The following IQUB variants were observed in gnomAD, a reference collection of about 807,000 sequenced individuals.
IQUB encodes IQ motif and ubiquitin domain containing.
IQUB carries 86 observed loss-of-function variants against 86.4 expected under a neutral mutation model. The observed-to-expected ratio is 1.00, with a 90% CI of 0.84 to 1.19. The LOEUF is 1.19. IQUB is among the 50% of genes most tolerant of loss of function. The pLI is 0.00. For synonymous variants in IQUB, 289 were observed against 304.5 expected (o/e 0.95, Z 0.53); for missense variants, 946 against 916.9 (o/e 1.03, Z -0.41).
At chr7:123,463,148 A>ATACTT in intron 10 of IQUB, among the ~76,000 whole-genome samples, 1 of 151,916 alleles carries the variant, frequency 6.6e-6, no homozygotes, top group East Asian at 1.9e-4. Flanking sequence ...CAAACTTTAA[A>ATACTT]TACTTTATCT....
At position 123,503,262 on chromosome 7, in the gene IQUB, C is replaced by G. The variant is rs1223613369; in HGVS notation, c.634G>C (p.Val212Leu). The change falls in exon 4 of 13, where the codon GTC (valine) becomes CTC (leucine). Residue 212 changes from valine (V) to leucine (L), a missense_variant. Val to Leu is a conservative substitution (Grantham distance 32). Transcript: ENST00000324698. Reference protein sequence around the residue: ...IFSTNPDLYPVRRIDGLTDVS... With the variant: ...IFSTNPDLYPLRRIDGLTDVS... ...TCAGTTAATCCATCTATTCTTCTGA[C>G]TGGATACAGATCTGGATTTGTAGAA... 1 of 1,610,910 alleles carries G rather than the reference C, an allele frequency of 6.2e-7. No individual in the cohort carries two copies. The highest frequency in any genetic ancestry group is 1.1e-5 in the South Asian group (1 of 90,884).
intron 3 of IQUB, among the ~76,000 whole-genome samples, chr7:123,509,118 T>G (rs1796310530): frequency 6.6e-6 from 1 of 152,210 alleles, no homozygotes; most frequent in Non-Finnish European, 1.5e-5. Context: ...AAACTTTTTG[T>G]GGCATCATTA....
chr7:123,461,564 A>AAAG lies in IQUB; in HGVS notation c.1797_1799dup (p.Phe600dup). ...GCAAATAAAGCTGGCAACTGTGGCA[A>AAAG]AAGTAAATCTTCTTATAAAATTTCA... On this transcript the variant is annotated inframe_insertion, in exon 11 of 13. Coordinates refer to ENST00000324698, the MANE Select transcript of IQUB (RefSeq NM_178827.5). The AAAG allele has an allele frequency of 6.2e-7, 1 of 1,611,528 alleles. No individual in the cohort carries two copies. The highest frequency in any genetic ancestry group is 8.5e-7 in the Non-Finnish European group (1 of 1,178,484).
intron 7 of IQUB, among the ~76,000 whole-genome samples, chr7:123,486,509 C>T (rs1185508337): frequency 6.6e-6 from 1 of 152,114 alleles, no homozygotes; most frequent in Admixed American, 6.5e-5. Flanking sequence ...CTTAGCCTTG[C>T]TACCAAGTAG....
At chr7:123,504,469 G>A (rs538298142) in intron 3 of IQUB, among the ~76,000 whole-genome samples, 7 of 152,150 alleles carry the variant, frequency 4.6e-5, no homozygotes, top group South Asian at 2.1e-4. Context: ...AATAAAAGAC[G>A]TTTAACTGGC....
intron 11 of IQUB, among the ~76,000 whole-genome samples, chr7:123,459,441 G>A (rs1253828932): frequency 6.6e-6 from 1 of 151,898 alleles, no homozygotes; most frequent in Non-Finnish European, 1.5e-5. Flanking sequence ...GGCCTGAATA[G>A]AACAAAAAGT....
intron 1 of IQUB, among the ~76,000 whole-genome samples, chr7:123,523,965 T>G (rs925298053): frequency 6.6e-6 from 1 of 152,088 alleles, no homozygotes; most frequent in Non-Finnish European, 1.5e-5. Flanking sequence ...TAGGGAATCC[T>G]TTCCCCATTG....
At chr7:123,462,615 G>A in intron 10 of IQUB, 2 of 243,060 alleles carry the variant, frequency 8.2e-6, no homozygotes, top group South Asian at 9.2e-5. Context: ...GAGTGATCTA[G>A]GTGTATGATC....
At chr7:123,526,703 A>C (rs980625471) in intron 1 of IQUB, among the ~76,000 whole-genome samples, 5 of 150,692 alleles carry the variant, frequency 3.3e-5, no homozygotes, top group African/African-American at 9.8e-5. Context: ...TTTACATTTA[A>C]AGTTAATATT....
At chr7:123,465,060 T>A (rs1376169572) in intron 9 of IQUB, 51 bp from the exon 10 acceptor site, 1 of 1,243,200 alleles carries the variant, frequency 8.0e-7, no homozygotes, top group East Asian at 2.4e-5. Flanking sequence ...ATCACTAAGT[T>A]CACTTTCAAA....
chr7:123,528,087 G>A (rs377520026), intron 1 of IQUB, among the ~76,000 whole-genome samples: 5 of 152,282 alleles, frequency 3.3e-5, no homozygotes, highest in African/African-American at 9.6e-5. Flanking sequence ...TCCAGGTGCC[G>A]TCTGTCACCA....
Position 123,510,049 on chromosome 7 carries a change from A to T in IQUB, c.398-14T>A. On this transcript the variant is annotated splice_polypyrimidine_tract_variant and intron_variant, in intron 2 of 12. Transcript: ENST00000324698. Reference sequence around the variant, plus strand: ...GTACAACTTTTACTGTAAATTAAATAGAAAAGAAAGAATTATAGTCAAATA... The same window carrying T: ...GTACAACTTTTACTGTAAATTAAATTGAAAAGAAAGAATTATAGTCAAATA... 1 of 1,499,418 alleles carries T rather than the reference A, an allele frequency of 6.7e-7. No homozygotes were observed. Among genetic ancestry groups the T allele is most frequent in the Non-Finnish European group, 9.1e-7 (1 of 1,095,462 alleles). 92.9% of individuals were successfully genotyped at this position (1,499,418 alleles called of 1,614,324 possible).
At chr7:123,517,301 G>A (rs1002291771) in intron 1 of IQUB, among the ~76,000 whole-genome samples, 11 of 151,748 alleles carry the variant, frequency 7.2e-5, no homozygotes, top group African/African-American at 2.4e-4. Flanking sequence ...TGAGGCCGAG[G>A]CGGGTGGATC....
At chr7:123,490,686 C>G (rs532616913) in intron 7 of IQUB, among the ~76,000 whole-genome samples, 1 of 152,096 alleles carries the variant, frequency 6.6e-6, no homozygotes, top group Non-Finnish European at 1.5e-5. Flanking sequence ...TCAAATTGGC[C>G]GGGTGCATTG....
At chr7:123,526,139 G>C (rs1315546489) in intron 1 of IQUB, among the ~76,000 whole-genome samples, 2 of 143,294 alleles carry the variant, frequency 1.4e-5, no homozygotes, top group African/African-American at 5.0e-5. Context: ...GTCAATTTTG[G>C]AATAGGTGTG....
chr7:123,503,119 G>A lies in IQUB; in HGVS notation c.695-3C>T, dbSNP rs764562037. 1.2e-6 allele frequency: 2 copies of A among 1,611,316 alleles called. No individual in the cohort carries two copies. Among genetic ancestry groups the A allele is most frequent in the East Asian group, 2.2e-5 (1 of 44,788 alleles). ...TACCTGCTGGTATTGATCAAGTCCT[G>A]AGAGATAACACCAAGATTCAATGAA... is the stretch of plus-strand genomic sequence containing the variant. On this transcript the variant is annotated splice_region_variant and splice_polypyrimidine_tract_variant and intron_variant, in intron 4 of 12. Coordinates refer to ENST00000324698, the MANE Select transcript of IQUB (RefSeq NM_178827.5).
At chr7:123,510,224 C>A (rs558565279) in intron 2 of IQUB, among the ~76,000 whole-genome samples, 189 bp from the exon 3 acceptor site, 173 of 152,140 alleles carry the variant, frequency 1.1e-3, no homozygotes, top group Non-Finnish European at 1.3e-3. Context: ...GGAGAAGTAG[C>A]CAATATTTAG....
At chr7:123,495,436 A>C in intron 7 of IQUB, among the ~76,000 whole-genome samples, 1 of 152,120 alleles carries the variant, frequency 6.6e-6, no homozygotes, top group East Asian at 1.9e-4. Flanking sequence ...ATTAGAAAGG[A>C]AACTGCAACT....
chr7:123,503,016 ATACTC>A lies in IQUB; in HGVS notation c.790_794del (p.Glu264SerfsTer10). Reference sequence around the variant, plus strand: ...GTACAGTTTGTGTTCCAGCATTGTGATACTCTACTCCTGTTACTTTATGTCTGAAT... The same window carrying A: ...GTACAGTTTGTGTTCCAGCATTGTGATACTCCTGTTACTTTATGTCTGAAT... On this transcript the variant is annotated frameshift_variant, in exon 5 of 13. Transcript: ENST00000324698. LOFTEE classifies it high-confidence loss of function. 6.2e-7 allele frequency: 1 copy of A among 1,613,152 alleles called. No homozygotes were observed. The highest frequency in any genetic ancestry group is 8.5e-7 in the Non-Finnish European group (1 of 1,179,436).
Sources: gnomAD v4.1 joint callset for allele counts (sites outside exome capture counted in the v4.1 genomes callset) on GRCh38, gnomAD v4.1.1 for gene constraint, MANE v1.5 for transcripts, NCBI Gene and HGNC (gene_info 2026-07-23, HGNC 2026-07-21) for gene names.